Variants in RSF1 observed in about 807,000 individuals in gnomAD.
The protein encoded by RSF1 is HBV pX-associated protein 8.
A neutral mutation model predicts 145.2 loss-of-function variants in RSF1; 13 were observed. The observed-to-expected ratio is 0.09, with a 90% CI of 0.06 to 0.14. The LOEUF (loss-of-function observed/expected upper bound fraction) is 0.14. RSF1 is among the 10% of genes least tolerant of loss of function. The probability of loss-of-function intolerance (pLI) is 1.00; values close to 1 mark genes in which losing one functional copy is unlikely to be tolerated. For synonymous variants in RSF1, 577 were observed against 592.6 expected, an observed-to-expected ratio of 0.97 and a Z score of 0.38; for missense variants, 1,517 against 1,718.2, an observed-to-expected ratio of 0.88 and a Z score of 2.07.
the RSF1 span, among the ~76,000 whole-genome samples, chr11:77,842,058 C>T: frequency 6.6e-6 from 1 of 152,160 alleles, no homozygotes; most frequent in Non-Finnish European, 1.5e-5. Context: ...ATTCAGCGAT[C>T]TTCATGAATA....
At chr11:77,691,879 A>C (rs1333933455) in intron 8 of RSF1, 1 of 152,238 alleles carries the variant, frequency 6.6e-6, no homozygotes, top group Non-Finnish European at 1.5e-5. Context: ...AGAATGCATA[A>C]AGCTCATCAT....
In RSF1 at chr11:77,698,499, G is replaced by A; in HGVS notation, c.2703C>T (p.Asn901=). Residue 901 remains asparagine, a synonymous_variant, in exon 7 of 16, where the codon AAC becomes AAT. Transcript: ENST00000308488. Reference sequence around the variant, plus strand: ...ATCAGGTACATACTAGCTCAGGATGGTTTGGAAGGCCACATTTTTTGCATG... The same window carrying A: ...ATCAGGTACATACTAGCTCAGGATGATTTGGAAGGCCACATTTTTTGCATG... ...DEPCKKCGLP[N]HPELILLCDS... 7 of 1,614,004 alleles carry A rather than the reference G, an allele frequency of 4.3e-6. No homozygotes were observed. Among genetic ancestry groups the A allele is most frequent in the Non-Finnish European group, 5.9e-6 (7 of 1,179,924 alleles).
intron 1 of RSF1, among the ~76,000 whole-genome samples, chr11:77,808,288 T>G (rs920522755): frequency 1.3e-5 from 2 of 151,874 alleles, no homozygotes; most frequent in Non-Finnish European, 2.9e-5. Flanking sequence ...GCCGAGATCA[T>G]GCCACTGCAC....
chr11:77,749,772 G>A (rs1044760742), intron 2 of RSF1, among the ~76,000 whole-genome samples: 5 of 152,026 alleles, frequency 3.3e-5, no homozygotes, highest in South Asian at 2.1e-4. Flanking sequence ...TTTCTGAGAC[G>A]GAGTCTCACT....
At chr11:77,838,876 A>G in the RSF1 span, among the ~76,000 whole-genome samples, 1 of 152,030 alleles carries the variant, frequency 6.6e-6, no homozygotes, top group Non-Finnish European at 1.5e-5. Flanking sequence ...TGGGCCTCCC[A>G]AAGTGCTGGG....
intron 5 of RSF1, among the ~76,000 whole-genome samples, chr11:77,718,783 A>G (rs923507379): frequency 2.0e-5 from 3 of 152,222 alleles, no homozygotes; most frequent in African/African-American, 7.2e-5. Flanking sequence ...TGAGAAAATA[A>G]GTTTCTGTTG....
chr11:77,842,546 A>G, the RSF1 span: 4 of 1,614,094 alleles, frequency 2.5e-6, no homozygotes, highest in Non-Finnish European at 3.4e-6. Flanking sequence ...ATGAAAGTAA[A>G]AGGCTCTAAT....
At chr11:77,833,009 A>ATATATT in the RSF1 span, among the ~76,000 whole-genome samples, 3 of 60,036 alleles carry the variant, frequency 5.0e-5, no homozygotes, top group African/African-American at 2.1e-4. Flanking sequence ...ATATATATAT[A>ATATATT]TTTTTTTTTT....
At position 77,702,273 on chromosome 11, in the gene RSF1, A is replaced by C; in HGVS notation, c.956T>G (p.Val319Gly). The C allele has an allele frequency of 6.2e-7, 1 of 1,609,426 alleles. No individual in the cohort carries two copies. The highest frequency in any genetic ancestry group is 8.5e-7 in the Non-Finnish European group (1 of 1,178,922). The part of the protein sequence containing the change: ...KEESDSFKEN[V>G]KPIKVEVKEC... ...CTTCACCTCAACTTTAATGGGTTTG[A>C]CATTTTCCTTGAAGGAATCACTTTC... The change falls in exon 6 of 16, where the codon GTC becomes GGC. Residue 319 changes from valine (V) to glycine (G), a missense_variant. Physicochemically the swap from Val to Gly is moderately radical, Grantham distance 109 (BLOSUM62 -3). This residue lies in a region of RSF1 where 207 missense variants were observed against 191.4 expected (regional missense o/e 1.08). Coordinates refer to ENST00000308488, the MANE Select transcript of RSF1 (RefSeq NM_016578.4).
chr11:77,671,878 C>A, intron 15 of RSF1, among the ~76,000 whole-genome samples, 164 bp downstream of exon 15: 1 of 152,174 alleles, frequency 6.6e-6, no homozygotes, highest in Non-Finnish European at 1.5e-5. Flanking sequence ...AAGTGATCTG[C>A]ATGCCCTGGC....
At chr11:77,835,509 C>A in the RSF1 span, among the ~76,000 whole-genome samples, 1 of 152,230 alleles carries the variant, frequency 6.6e-6, no homozygotes, top group African/African-American at 2.4e-5. Context: ...TCAGACTCAT[C>A]TTCCTCGTTG....
At chr11:77,838,741 C>T in the RSF1 span, among the ~76,000 whole-genome samples, 15 of 151,394 alleles carry the variant, frequency 9.9e-5, no homozygotes, top group African/African-American at 3.4e-4. Flanking sequence ...CTCAGCCTCT[C>T]GAGTAGCTGA....
intron 5 of RSF1, among the ~76,000 whole-genome samples, chr11:77,716,241 G>A (rs1484027723): frequency 6.6e-6 from 1 of 152,032 alleles, no homozygotes; most frequent in Non-Finnish European, 1.5e-5. Flanking sequence ...AAAATATTAA[G>A]TACTATAGGA....
At position 77,702,242 on chromosome 11, in the gene RSF1, A is replaced by G; in HGVS notation, c.987T>C (p.Cys329=). ...TTTTGGTATCTTTAGGATCTGCTCTACATTCCTTCACCTCAACTTTAATGG... is the reference window on the plus strand; with the variant it reads ...TTTTGGTATCTTTAGGATCTGCTCTGCATTCCTTCACCTCAACTTTAATGG... ...VKPIKVEVKE[C]RADPKDTKSS... The change falls in exon 6 of 16, where the codon TGT becomes TGC. Residue 329 remains cysteine (C), a synonymous_variant. Transcript: ENST00000308488. 3 of 1,612,948 alleles carry G rather than the reference A, an allele frequency of 1.9e-6. No individual in the cohort carries two copies. In the Middle Eastern group the frequency reaches 5.0e-4, roughly 266 times the overall value.
chr11:77,747,228 G>A, intron 2 of RSF1, 100 bp from the exon 3 acceptor site: 1 of 710,492 alleles, frequency 1.4e-6, no homozygotes, highest in Non-Finnish European at 2.5e-6. Flanking sequence ...TGTTTATAAA[G>A]GAAAGAGGTT....
At chr11:77,833,657 T>C in the RSF1 span, among the ~76,000 whole-genome samples, 3 of 152,250 alleles carry the variant, frequency 2.0e-5, no homozygotes, top group Non-Finnish European at 4.4e-5. Context: ...TTCTCAGAGT[T>C]AATCACTATT....
chr11:77,727,473 C>CTTTT lies in RSF1; in HGVS notation c.579-1778_579-1775dup, dbSNP rs59747840. 2.6e-3 allele frequency among the ~76,000 whole-genome samples: 292 copies of CTTTT among 112,226 alleles called. 9 individuals are homozygous for CTTTT. The highest frequency in any genetic ancestry group is 6.4e-3 in the African/African-American group (183 of 28,646). The allele number at this position is 112,226 out of a possible 152,430, so 73.6% of individuals were successfully genotyped here. A position where few individuals can be genotyped will look rare whatever the true frequency, so the allele number is the denominator to read the frequency against. ...AAATCTATTTCAATTACTTCCACTACTTTTTTTTTTTTTTTTTTTTGAGAT... is the reference window on the plus strand; with the variant it reads ...AAATCTATTTCAATTACTTCCACTACTTTTTTTTTTTTTTTTTTTTTTTTGAGAT... On this transcript the variant is annotated intron_variant, in intron 4 of 15. Coordinates refer to ENST00000308488, the MANE Select transcript of RSF1 (RefSeq NM_016578.4).
chr11:77,725,669 T>C lies in RSF1; in HGVS notation c.609A>G (p.Ala203=). 1.3e-6 allele frequency: 2 copies of C among 1,594,072 alleles called. No homozygotes were observed. The highest frequency in any genetic ancestry group is 1.7e-6 in the Non-Finnish European group (2 of 1,169,992). The change falls in exon 5 of 16, where the codon GCA becomes GCG. Residue 203 remains alanine, a synonymous_variant. Transcript: ENST00000308488. ...CAGGATCAATTTGTGCTTTCAGGAG[T>C]GCAAGAGTCTCAGCCAACTCGTTTC... is the stretch of plus-strand genomic sequence containing the variant. ...RNRNELAETL[A]LLKAQIDPVL...
rs1011485511 is a variant in RSF1 at position 77,698,400 on chromosome 11, A to G, written c.2715+87T>C. ...AAGTTATCATTAAGAAATTCAAATAATGATAAAACCCAGAAGAGTTAGGCT... is the reference window on the plus strand; with the variant it reads ...AAGTTATCATTAAGAAATTCAAATAGTGATAAAACCCAGAAGAGTTAGGCT... On this transcript the variant is annotated intron_variant, in intron 7 of 15. Transcript: ENST00000308488. The G allele has an allele frequency of 2.9e-6, 3 of 1,047,040 alleles. No individual in the cohort carries two copies. In the African/African-American group the frequency reaches 4.8e-5, roughly 17 times the overall value. The allele number at this position is 1,047,040 out of a possible 1,614,324, so 64.9% of individuals were successfully genotyped here. A position where few individuals can be genotyped will look rare whatever the true frequency, so the allele number is the denominator to read the frequency against.
Sources: gnomAD v4.1 joint callset for allele counts (sites outside exome capture counted in the v4.1 genomes callset) on GRCh38, gnomAD v4.1.1 for gene constraint, gnomAD v4.1.1 regional missense constraint, MANE v1.5 for transcripts, NCBI Gene and HGNC (gene_info 2026-07-23, HGNC 2026-07-21) for gene names.